Variants in COL19A1 observed in about 807,000 individuals in gnomAD.
COL19A1 encodes the protein collagen alpha-1(XIX) chain.
Under a neutral mutation model 190.2 loss-of-function variants are expected in COL19A1, and 159 were observed. The ratio of observed to expected loss-of-function variants is 0.84; its 90% CI spans 0.73 to 0.95. The LOEUF is 0.95. COL19A1 is among the 40% of genes least tolerant of loss of function. COL19A1 has a pLI of 0.00. For synonymous variants in COL19A1, 509 were observed against 458.9 expected, an observed-to-expected ratio of 1.11 and a Z score of -1.39; for missense variants, 1,418 against 1,431.9, an observed-to-expected ratio of 0.99 and a Z score of 0.16.
At chr6:70,063,418 G>A (rs1582816733) in intron 14 of COL19A1, among the ~76,000 whole-genome samples, 1 of 152,160 alleles carries the variant, frequency 6.6e-6, no homozygotes, top group Non-Finnish European at 1.5e-5. Flanking sequence ...AAATAAAGAT[G>A]TTCTTTGAAA....
chr6:70,035,187 G>A (rs1207212886), intron 13 of COL19A1, among the ~76,000 whole-genome samples: 1 of 152,198 alleles, frequency 6.6e-6, no homozygotes, highest in East Asian at 1.9e-4. Context: ...TGGAAAGGAT[G>A]CGTGGTCTTT....
At chr6:70,152,790 G>A (rs535436460) in intron 31 of COL19A1, among the ~76,000 whole-genome samples, 42 of 152,194 alleles carry the variant, frequency 2.8e-4, no homozygotes, top group South Asian at 1.7e-3. Context: ...CAGTGGTGCT[G>A]GAAATAGCAG....
chr6:70,206,449 C>A (rs1368782299), intron 49 of COL19A1, among the ~76,000 whole-genome samples: 4 of 151,952 alleles, frequency 2.6e-5, no homozygotes, highest in Admixed American at 2.6e-4. Flanking sequence ...GCCAACATGG[C>A]AAAACCCTGC....
chr6:69,913,240 T>C (rs929423350), intron 4 of COL19A1, among the ~76,000 whole-genome samples: 1 of 152,240 alleles, frequency 6.6e-6, no homozygotes, highest in Non-Finnish European at 1.5e-5. Flanking sequence ...TGTTATATTG[T>C]CATTATTATT....
intron 15 of COL19A1, among the ~76,000 whole-genome samples, chr6:70,080,273 G>T (rs1305944862): frequency 6.6e-6 from 1 of 152,134 alleles, no homozygotes; most frequent in Non-Finnish European, 1.5e-5. Flanking sequence ...TGAACAGCGA[G>T]CCCAACTTAG....
intron 48 of COL19A1, among the ~76,000 whole-genome samples, chr6:70,190,635 A>G (rs1766807235): frequency 6.6e-6 from 1 of 152,172 alleles, no homozygotes; most frequent in Non-Finnish European, 1.5e-5. Context: ...TTGTACTCAC[A>G]TGACAGCCCT....
chr6:70,115,246 T>C (rs1391539534), intron 16 of COL19A1, among the ~76,000 whole-genome samples: 1 of 152,214 alleles, frequency 6.6e-6, no homozygotes, highest in African/African-American at 2.4e-5. Flanking sequence ...ACAATTCACA[T>C]GAATCTATTA....
At chr6:70,137,867 T>C in intron 19 of COL19A1, 120 bp downstream of exon 19, 1 of 866,160 alleles carries the variant, frequency 1.2e-6, no homozygotes, top group Non-Finnish European at 1.8e-6. Flanking sequence ...AAACAACAGA[T>C]CAGATCTTCA....
rs1406880784 is a variant in COL19A1 at position 70,130,211 on chromosome 6, G to C, written c.1371G>C (p.Leu457=). The C allele has an allele frequency of 6.2e-7, 1 of 1,612,494 alleles. No homozygotes were observed. Among genetic ancestry groups the C allele is most frequent in the Non-Finnish European group, 8.5e-7 (1 of 1,179,498 alleles). Residue 457 remains leucine (L), a synonymous_variant, in exon 18 of 51, where the codon CTG becomes CTC. Transcript: ENST00000620364. ...KGNDEHEAGG[L]KGDKGETGLP... is the part of the protein sequence containing the mutation. ...ATGATGAACATGAAGCTGGAGGCCT[G>C]AAAGGAGACAAGGTAATCAGATTTT...
At chr6:70,177,918 C>T (rs1765915969) in intron 42 of COL19A1, among the ~76,000 whole-genome samples, 1 of 152,154 alleles carries the variant, frequency 6.6e-6, no homozygotes, top group Admixed American at 6.5e-5. Flanking sequence ...TACTGGCCAC[C>T]ATTGCAAGTA....
chr6:70,024,050 G>A (rs984734196), intron 12 of COL19A1, among the ~76,000 whole-genome samples: 5 of 152,008 alleles, frequency 3.3e-5, no homozygotes, highest in Admixed American at 1.3e-4. Context: ...TATAGATGGC[G>A]TCTGTATTGG....
intron 16 of COL19A1, among the ~76,000 whole-genome samples, chr6:70,112,547 C>CTA (rs1259204212): frequency 6.6e-6 from 1 of 152,028 alleles, no homozygotes; most frequent in African/African-American, 2.4e-5. Flanking sequence ...ATGTCCCACT[C>CTA]TATCAATAAG....
intron 16 of COL19A1, among the ~76,000 whole-genome samples, chr6:70,111,216 T>A (rs1014814287): frequency 6.6e-6 from 1 of 152,304 alleles, no homozygotes; most frequent in Middle Eastern, 3.4e-3. Flanking sequence ...TAGGTCCTGA[T>A]GAATAAGGAG....
chr6:70,173,114 G>A (rs776775250), intron 41 of COL19A1, among the ~76,000 whole-genome samples: 3 of 152,220 alleles, frequency 2.0e-5, no homozygotes, highest in Non-Finnish European at 4.4e-5. Flanking sequence ...GGACAGCTAT[G>A]AGCAAGGCCT....
intron 7 of COL19A1, among the ~76,000 whole-genome samples, chr6:69,935,922 G>GA (rs1230876325): frequency 6.6e-6 from 1 of 151,944 alleles, no homozygotes; most frequent in East Asian, 1.9e-4. Context: ...AACCACAGTA[G>GA]AAAACCACAG....
intron 11 of COL19A1, among the ~76,000 whole-genome samples, chr6:70,016,550 G>C (rs1007265263): frequency 6.6e-6 from 1 of 150,712 alleles, no homozygotes; most frequent in Admixed American, 6.6e-5. Flanking sequence ...CAATAAAGCT[G>C]TTAAATTTTT....
chr6:69,907,091 GATT>G lies in COL19A1; in HGVS notation c.266+6769_266+6771del, dbSNP rs1313098438. On this transcript the variant is annotated intron_variant, in intron 4 of 50. Coordinates refer to ENST00000620364, the MANE Select transcript of COL19A1 (RefSeq NM_001858.6). ...TACACGGACCTTTACACTATCTTCAGATTATTATTATTATTATTTTTTTTTTTT... is the reference window on the plus strand; with the variant it reads ...TACACGGACCTTTACACTATCTTCAGATTATTATTATTATTTTTTTTTTTT... Among the ~76,000 whole-genome samples the G allele has an allele frequency of 1.2e-4, 16 of 132,576 alleles. 1 individual carries two copies. In the East Asian group the frequency reaches 1.7e-3, roughly 14 times the overall value. 87.0% of individuals were successfully genotyped at this position (132,576 alleles called of 152,430 possible). A position where few individuals can be genotyped will look rare whatever the true frequency, so the allele number is the denominator to read the frequency against.
chr6:69,917,285 T>G lies in COL19A1; in HGVS notation c.267-10624T>G, dbSNP rs528230571. Among the ~76,000 whole-genome samples, 138 of 152,368 alleles carry G rather than the reference T, an allele frequency of 9.1e-4. 1 individual carries two copies. The highest frequency in any genetic ancestry group is 1.8e-3 in the Non-Finnish European group (121 of 68,036). On this transcript the variant is annotated intron_variant, in intron 4 of 50. Coordinates refer to ENST00000620364, the MANE Select transcript of COL19A1 (RefSeq NM_001858.6). ...TCACATAGGATTTGACTTTTCCATC[T>G]GTTGTTTTCCTGATGAATGTGATAT... is the stretch of plus-strand genomic sequence containing the variant.
At chr6:70,183,443 A>AT (rs1381038074) in intron 44 of COL19A1, among the ~76,000 whole-genome samples, 1 of 152,194 alleles carries the variant, frequency 6.6e-6, no homozygotes, top group Non-Finnish European at 1.5e-5. Flanking sequence ...ATTACTGGAG[A>AT]TAAAAAACAG....
Sources: gnomAD v4.1 joint callset for allele counts (sites outside exome capture counted in the v4.1 genomes callset) on GRCh38, gnomAD v4.1.1 for gene constraint, MANE v1.5 for transcripts, NCBI Gene and HGNC (gene_info 2026-07-23, HGNC 2026-07-21) for gene names.